CENPP: variants seen among roughly 807,000 people sequenced by gnomAD.
CENPP encodes centromere protein P.
CENPP carries 24 observed loss-of-function variants against 35.6 expected under a neutral mutation model. The ratio of observed to expected loss-of-function variants is 0.67; its 90% CI spans 0.49 to 0.95. The LOEUF (loss-of-function observed/expected upper bound fraction) is 0.95, where lower values mean the gene tolerates loss of function less well. Ranked by LOEUF, CENPP falls within the 40% of genes least tolerant of loss-of-function variation. The probability of loss-of-function intolerance (pLI) is 0.00; values close to 1 mark genes in which losing one functional copy is unlikely to be tolerated. For synonymous variants in CENPP, 120 were observed against 125.5 expected (o/e 0.96, Z 0.29); for missense variants, 332 against 345.3 (o/e 0.96, Z 0.31).
intron 5 of CENPP, among the ~76,000 whole-genome samples, chr9:92,523,960 C>A (rs1848232422): frequency 6.6e-6 from 1 of 152,214 alleles, no homozygotes; most frequent in Admixed American, 6.5e-5. Context: ...TCCCCAACAA[C>A]AATTTGTAAA....
At chr9:92,611,472 T>C in intron 6 of CENPP, 79 bp downstream of exon 6, 1 of 1,126,616 alleles carries the variant, frequency 8.9e-7, no homozygotes, top group Non-Finnish European at 1.3e-6. Context: ...TAAGTAGGAT[T>C]CTAAGTAGTA....
chr9:92,392,265 G>A (rs1039391062), intron 5 of CENPP, among the ~76,000 whole-genome samples: 4 of 152,100 alleles, frequency 2.6e-5, no homozygotes, highest in African/African-American at 9.7e-5. Flanking sequence ...TAATGATGTT[G>A]CTTGGGCCCT....
intron 4 of CENPP, among the ~76,000 whole-genome samples, chr9:92,358,192 A>G (rs1170680392): frequency 1.3e-5 from 2 of 150,444 alleles, no homozygotes; most frequent in Non-Finnish European, 3.0e-5. Context: ...TACAGTGCAG[A>G]AGTTGGTAGT....
At chr9:92,473,608 A>G (rs966211935) in intron 5 of CENPP, among the ~76,000 whole-genome samples, 1 of 152,230 alleles carries the variant, frequency 6.6e-6, no homozygotes, top group Non-Finnish European at 1.5e-5. Context: ...TTTCTCAAAC[A>G]GTACTTGCAT....
intron 5 of CENPP, among the ~76,000 whole-genome samples, chr9:92,594,971 A>G (rs1368288881): frequency 7.4e-6 from 1 of 135,256 alleles, no homozygotes. Context: ...ATCTTGGCTC[A>G]CTGCAACCTC....
intron 5 of CENPP, among the ~76,000 whole-genome samples, chr9:92,596,736 A>T (rs1312828934): frequency 5.3e-5 from 8 of 151,740 alleles, no homozygotes; most frequent in Non-Finnish European, 1.2e-4. Flanking sequence ...ATCTATTAAT[A>T]AAAAAAACGA....
intron 5 of CENPP, among the ~76,000 whole-genome samples, chr9:92,577,356 A>G (rs191998380): frequency 1.4e-4 from 21 of 152,246 alleles, no homozygotes; most frequent in African/African-American, 4.8e-4. Flanking sequence ...TCTACTAAAA[A>G]TACAAAATAT....
chr9:92,505,695 A>G (rs1208486098), intron 5 of CENPP: 2 of 1,559,690 alleles, frequency 1.3e-6, no homozygotes, highest in African/African-American at 1.4e-5. Flanking sequence ...TTAAGTCTAT[A>G]AAAAATAAAA....
At chr9:92,415,465 G>A in intron 5 of CENPP, 1 of 1,581,898 alleles carries the variant, frequency 6.3e-7, no homozygotes, top group Non-Finnish European at 8.6e-7. Flanking sequence ...ACACATCACT[G>A]TAAGATTCAT....
chr9:92,535,253 T>C (rs1849097295), intron 5 of CENPP, among the ~76,000 whole-genome samples: 1 of 152,240 alleles, frequency 6.6e-6, no homozygotes, highest in Admixed American at 6.5e-5. Context: ...CTCTCAATAC[T>C]AATTTTACTA....
At chr9:92,348,186 C>T (rs1011620465) in intron 4 of CENPP, among the ~76,000 whole-genome samples, 5 of 150,514 alleles carry the variant, frequency 3.3e-5, no homozygotes, top group South Asian at 2.1e-4. Flanking sequence ...CTTGAACTCC[C>T]GACCTCAAAT....
At chr9:92,589,343 C>CA (rs568284455) in intron 5 of CENPP, among the ~76,000 whole-genome samples, 5,534 of 130,414 alleles carry the variant, frequency 0.042, 140 homozygotes, top group Middle Eastern at 0.088. Context: ...GACCCTGTCT[C>CA]AAAAAAAAAA....
chr9:92,328,308 T>C (rs541400989), intron 1 of CENPP, among the ~76,000 whole-genome samples: 2 of 152,304 alleles, frequency 1.3e-5, no homozygotes, highest in South Asian at 4.1e-4. Context: ...TGTACCAAGC[T>C]ATTTTTTTAA....
intron 5 of CENPP, among the ~76,000 whole-genome samples, chr9:92,570,062 A>G (rs953749534): frequency 6.6e-6 from 1 of 152,012 alleles, no homozygotes; most frequent in East Asian, 1.9e-4. Context: ...CTAATTGAAT[A>G]CCCTTTATTT....
intron 4 of CENPP, among the ~76,000 whole-genome samples, chr9:92,378,581 T>A (rs1404582769): frequency 1.3e-5 from 2 of 152,194 alleles, no homozygotes; most frequent in Admixed American, 1.3e-4. Flanking sequence ...TGGTTTTAAA[T>A]TATAGTTAAC....
rs200682132 is a variant in CENPP, at chr9:92,612,492, C to T, written c.645-31C>T. On this transcript the variant is annotated intron_variant, in intron 6 of 7. Coordinates refer to ENST00000375587, the MANE Select transcript of CENPP (RefSeq NM_001012267.3). The stretch of plus-strand genomic sequence containing the variant: ...AATCTTTTCGCCAGATTTCAAAAAG[C>T]ACATAACGACATGTTTTACTGCTTT... 8.4e-5 allele frequency: 129 copies of T among 1,542,148 alleles called. No individual in the cohort carries two copies. In the African/African-American group the frequency reaches 1.0e-3, roughly 12 times the overall value.
chr9:92,613,399 T>C lies in CENPP; in HGVS notation c.*250T>C. On this transcript the variant is annotated 3_prime_UTR_variant, in exon 8 of 8. Transcript: ENST00000375587. ...AATAAGCTTAACATCTGAGAAAATGTACCAAGTGGTTGTGTGTCCTCAGAT... is the reference window on the plus strand; with the variant it reads ...AATAAGCTTAACATCTGAGAAAATGCACCAAGTGGTTGTGTGTCCTCAGAT... 2.4e-6 allele frequency: 1 copy of C among 410,934 alleles called. No individual in the cohort carries two copies. 25.5% of individuals were successfully genotyped at this position (410,934 alleles called of 1,614,324 possible). A position where few individuals can be genotyped will look rare whatever the true frequency, so the allele number is the denominator to read the frequency against.
At chr9:92,395,983 T>TA (rs1842877318) in intron 5 of CENPP, among the ~76,000 whole-genome samples, 1 of 152,192 alleles carries the variant, frequency 6.6e-6, no homozygotes, top group South Asian at 2.1e-4. Flanking sequence ...AGAAGTTGTA[T>TA]AGTTTAAGAT....
chr9:92,433,486 G>T (rs973434251), intron 5 of CENPP, among the ~76,000 whole-genome samples: 1 of 152,042 alleles, frequency 6.6e-6, no homozygotes, highest in African/African-American at 2.4e-5. Context: ...CTCTAATGTG[G>T]GGAAAAGGTA....
Sources: allele counts gnomAD v4.1 joint callset (sites outside exome capture counted in the v4.1 genomes callset), GRCh38; gene constraint gnomAD v4.1.1; transcripts MANE v1.5; gene names NCBI Gene and HGNC (gene_info 2026-07-23, HGNC 2026-07-21).